Variants in DMD observed in about 807,000 individuals in gnomAD.
DMD encodes the protein mutant dystrophin.
Under a neutral mutation model 330.1 loss-of-function variants are expected in DMD, and 63 were observed. That is an observed-to-expected ratio of 0.19 (90% CI 0.16 to 0.24). The LOEUF is 0.24. Among genes scored for constraint, DMD ranks in the 10% least tolerant of loss-of-function variants. DMD has a pLI of 1.00. For synonymous variants in DMD, 1,223 were observed against 959.8 expected, an observed-to-expected ratio of 1.27 and a Z score of -5.07; for missense variants, 3,344 against 2,684.1, an observed-to-expected ratio of 1.25 and a Z score of -5.43.
chrX:31,440,750 G>C (rs1274080620), intron 60 of DMD, among the ~76,000 whole-genome samples: 1 of 112,152 alleles, frequency 8.9e-6, no homozygotes, highest in Non-Finnish European at 1.9e-5. Flanking sequence ...AAAGTCAAAT[G>C]GTCAAATAGT....
At chrX:31,625,145 A>T (rs2148405594) in intron 55 of DMD, among the ~76,000 whole-genome samples, 1 of 112,445 alleles carries the variant, frequency 8.9e-6, no homozygotes, top group African/African-American at 3.2e-5. Context: ...TTCAATCCAT[A>T]AAATGTAGTT....
chrX:31,823,921 T>A (rs941855901), intron 49 of DMD, among the ~76,000 whole-genome samples: 1 of 111,550 alleles, frequency 9.0e-6, no homozygotes, highest in East Asian at 2.8e-4. Flanking sequence ...TAAAAAGTAA[T>A]CTCATAGACT....
chrX:32,811,219 C>T (rs2077348704), intron 6 of DMD, among the ~76,000 whole-genome samples: 1 of 108,170 alleles, frequency 9.2e-6, no homozygotes, highest in South Asian at 4.2e-4. Flanking sequence ...CTGGCATGCC[C>T]CTGTGGTCCC....
At chrX:32,124,718 T>C (rs914189613) in intron 44 of DMD, among the ~76,000 whole-genome samples, 1 of 111,217 alleles carries the variant, frequency 9.0e-6, no homozygotes, top group Non-Finnish European at 1.9e-5. Flanking sequence ...AATTACAAAC[T>C]GAATTAAGGA....
chrX:31,527,716 G>A (rs1196684105), intron 55 of DMD, among the ~76,000 whole-genome samples: 1 of 111,208 alleles, frequency 9.0e-6, no homozygotes, highest in Non-Finnish European at 1.9e-5. Context: ...CTTCAAAAGT[G>A]GTAGCGTCTA....
intron 18 of DMD, among the ~76,000 whole-genome samples, chrX:32,506,719 C>T (rs951734915): frequency 2.7e-5 from 3 of 111,318 alleles, no homozygotes; most frequent in Admixed American, 9.6e-5. Context: ...TCAAAGCACC[C>T]AGTTTGTGGT....
At chrX:31,452,763 C>T (rs962547583) in intron 59 of DMD, among the ~76,000 whole-genome samples, 3 of 112,079 alleles carry the variant, frequency 2.7e-5, no homozygotes, top group East Asian at 5.6e-4. Flanking sequence ...TAATAAAAGC[C>T]GAATTATATC....
intron 1 of DMD, among the ~76,000 whole-genome samples, chrX:33,114,736 T>C (rs190544356): frequency 9.0e-6 from 1 of 111,715 alleles, no homozygotes. Context: ...TTTTCATAGA[T>C]AGTAACACTA....
chrX:32,551,218 A>G (rs765893981), intron 16 of DMD, among the ~76,000 whole-genome samples: 5 of 111,330 alleles, frequency 4.5e-5, no homozygotes, highest in Admixed American at 9.6e-5. Context: ...CCTAATGAAC[A>G]TAGATGCAAA....
intron 51 of DMD, 75 bp from the exon 52 acceptor site, chrX:31,729,823 TACA>T: frequency 1.2e-6 from 1 of 865,857 alleles, no homozygotes; most frequent in Non-Finnish European, 1.7e-6. Context: ...CAAAGTAAAG[TACA>T]ATTGTGAGAC....
At position 32,256,930 on chromosome X, in the gene DMD, C is replaced by G. The variant is rs142434866; in HGVS notation, c.6290+30599G>C. 5.5e-3 allele frequency among the ~76,000 whole-genome samples: 616 copies of G among 111,322 alleles called. 2 individuals are homozygous for G. The highest frequency in any genetic ancestry group is 0.019 in the African/African-American group (597 of 30,622). On this transcript the variant is annotated intron_variant, in intron 43 of 78. Coordinates refer to ENST00000357033, the MANE Select transcript of DMD (RefSeq NM_004006.3). The stretch of plus-strand genomic sequence containing the variant: ...TTTGTGGGTAACCCAGCCTTTCTCT[C>G]TGGCTGCCCCTAACATTACGAGCAA...
intron 7 of DMD, among the ~76,000 whole-genome samples, chrX:32,807,470 G>C (rs748322996): frequency 6.5e-4 from 72 of 111,451 alleles, no homozygotes; most frequent in Non-Finnish European, 1.2e-3. Flanking sequence ...TAATCAGCCT[G>C]TATTTCATAT....
intron 43 of DMD, among the ~76,000 whole-genome samples, chrX:32,247,519 G>T (rs1486465864): frequency 9.0e-6 from 1 of 111,499 alleles, no homozygotes; most frequent in Non-Finnish European, 1.9e-5. Flanking sequence ...AGACACATTT[G>T]GTCAAACTTT....
At chrX:32,711,470 C>T (rs1323407922) in intron 7 of DMD, among the ~76,000 whole-genome samples, 1 of 111,402 alleles carries the variant, frequency 9.0e-6, no homozygotes, top group Non-Finnish European at 1.9e-5. Flanking sequence ...GGGAACGTGC[C>T]CCTTGATTAG....
chrX:33,092,955 C>T, intron 1 of DMD, among the ~76,000 whole-genome samples: 1 of 111,072 alleles, frequency 9.0e-6, no homozygotes, highest in Non-Finnish European at 1.9e-5. Flanking sequence ...CTCACTGCAA[C>T]CTCCACCTCC....
intron 78 of DMD, among the ~76,000 whole-genome samples, chrX:31,125,993 G>A (rs1274951279): frequency 1.8e-5 from 2 of 111,224 alleles, no homozygotes; most frequent in African/African-American, 6.6e-5. Flanking sequence ...CTGTCACCTG[G>A]GACACACTGC....
intron 53 of DMD, among the ~76,000 whole-genome samples, 164 bp downstream of exon 53, chrX:31,679,209 ACT>A (rs1056839244): frequency 9.0e-6 from 1 of 111,203 alleles, no homozygotes; most frequent in Non-Finnish European, 1.9e-5. Context: ...TGACAGTGAG[ACT>A]CTGTCTCTAA....
rs759367597 is a variant in DMD at position 32,726,694 on chromosome X, G to T, written c.650-27401C>A. ...TGGGTTTATAAATTATTTGTGGGAA[G>T]TTTTTTTTATTATTTATGACTGACA... On this transcript the variant is annotated intron_variant, in intron 7 of 78. Coordinates refer to ENST00000357033, the MANE Select transcript of DMD (RefSeq NM_004006.3). Among the ~76,000 whole-genome samples, 32 of 110,591 alleles carry T rather than the reference G, an allele frequency of 2.9e-4. No homozygotes were observed. In the East Asian group the frequency reaches 8.5e-3, roughly 29 times the overall value.
At chrX:32,290,926 T>C (rs1237679266) in intron 42 of DMD, among the ~76,000 whole-genome samples, 1 of 112,024 alleles carries the variant, frequency 8.9e-6, no homozygotes, top group African/African-American at 3.2e-5. Flanking sequence ...ATCATATATT[T>C]GGTCATAGGC....
Sources: gnomAD v4.1 joint callset for allele counts (sites outside exome capture counted in the v4.1 genomes callset) on GRCh38, gnomAD v4.1.1 for gene constraint, MANE v1.5 for transcripts, NCBI Gene and HGNC (gene_info 2026-07-23, HGNC 2026-07-21) for gene names.